MBD5: variants seen among roughly 807,000 people sequenced by gnomAD.
MBD5 encodes methyl-CpG binding domain protein 5.
In MBD5, 13 loss-of-function variants were observed where a neutral mutation model predicts 117.3. That is an observed-to-expected ratio of 0.11 (90% CI 0.07 to 0.18). The LOEUF is 0.18. Among genes scored for constraint, MBD5 ranks in the 10% least tolerant of loss-of-function variants. The pLI is 1.00. For synonymous variants in MBD5, 727 were observed against 766.4 expected (o/e 0.95, Z 0.85); for missense variants, 1,879 against 2,093.8 (o/e 0.90, Z 2.00).
chr2:148,291,830 A>C (rs1408394956), intron 3 of MBD5, among the ~76,000 whole-genome samples: 3 of 152,208 alleles, frequency 2.0e-5, no homozygotes, highest in Non-Finnish European at 2.9e-5. Flanking sequence ...ACAGAGTTGT[A>C]CTAACTGAAA....
At chr2:148,386,069 C>A (rs1038257123) in intron 4 of MBD5, among the ~76,000 whole-genome samples, 4 of 151,408 alleles carry the variant, frequency 2.6e-5, no homozygotes, top group South Asian at 2.1e-4. Context: ...ATGTAACAAA[C>A]CTGCACGTTG....
intron 1 of MBD5, among the ~76,000 whole-genome samples, chr2:148,048,232 A>G (rs1343212331): frequency 6.6e-6 from 1 of 152,220 alleles, no homozygotes; most frequent in African/African-American, 2.4e-5. Flanking sequence ...AGTTGTTGAC[A>G]CAATGCCTGG....
chr2:148,190,914 C>A (rs1017250409), intron 2 of MBD5, among the ~76,000 whole-genome samples: 13 of 121,932 alleles, frequency 1.1e-4, no homozygotes, highest in Admixed American at 2.7e-4. Context: ...GGAGGAAGAT[C>A]TACCAAGCAA....
chr2:148,199,511 A>G lies in MBD5; in HGVS notation c.-831+20718A>G, dbSNP rs1024081730. Among the ~76,000 whole-genome samples the G allele has an allele frequency of 2.0e-5, 3 of 152,270 alleles. No homozygotes were observed. The South Asian group carries it at 6.2e-4, about 32-fold the overall frequency. On this transcript the variant is annotated intron_variant, in intron 2 of 13. Transcript: ENST00000642680. ...TGGCCAGGCACGGTGGCTCATGTCT[A>G]TAATCTAACCACTTTGGGAGGCCGA...
intron 1 of MBD5, among the ~76,000 whole-genome samples, chr2:148,073,953 A>G (rs1003428491): frequency 6.6e-6 from 1 of 152,094 alleles, no homozygotes; most frequent in Non-Finnish European, 1.5e-5. Context: ...TTTACATAAA[A>G]TTGTTGCCCC....
intron 11 of MBD5, 121 bp from the exon 12 acceptor site, chr2:148,502,315 G>T: frequency 1.2e-6 from 1 of 814,058 alleles, no homozygotes; most frequent in Non-Finnish European, 2.1e-6. Context: ...TGACAAGGTA[G>T]TGAAGGTTAA....
intron 2 of MBD5, among the ~76,000 whole-genome samples, chr2:148,198,020 G>A (rs879840454): frequency 6.6e-6 from 1 of 151,782 alleles, no homozygotes; most frequent in Non-Finnish European, 1.5e-5. Flanking sequence ...TCACCATGTT[G>A]GCCAGGCTGG....
rs535087431 is a variant in MBD5 at position 148,184,620 on chromosome 2, A to G, written c.-831+5827A>G. Among the ~76,000 whole-genome samples, 33 of 152,264 alleles carry G rather than the reference A, an allele frequency of 2.2e-4. No homozygotes were observed. In the South Asian group the frequency reaches 6.6e-3, roughly 31 times the overall value. Reference sequence around the variant, plus strand: ...TTATTTTAAGTTCTTGGGACATCAGATCTAATAATTCTGCTTCTCTTAGAA... The same window carrying G: ...TTATTTTAAGTTCTTGGGACATCAGGTCTAATAATTCTGCTTCTCTTAGAA... On this transcript the variant is annotated intron_variant, in intron 2 of 13. Coordinates refer to ENST00000642680, the MANE Select transcript of MBD5 (RefSeq NM_001378120.1).
intron 1 of MBD5, among the ~76,000 whole-genome samples, chr2:148,068,840 A>G (rs1363230033): frequency 6.6e-6 from 1 of 152,140 alleles, no homozygotes; most frequent in African/African-American, 2.4e-5. Flanking sequence ...TAATTTTACT[A>G]ATAATTTGAT....
chr2:148,287,540 T>C (rs1216788010), intron 3 of MBD5, among the ~76,000 whole-genome samples: 1 of 152,212 alleles, frequency 6.6e-6, no homozygotes, highest in Non-Finnish European at 1.5e-5. Context: ...TTCAGTCTTC[T>C]GAATATGGGA....
chr2:148,056,660 T>C (rs1311268634), intron 1 of MBD5, among the ~76,000 whole-genome samples: 2 of 152,080 alleles, frequency 1.3e-5, no homozygotes, highest in South Asian at 2.1e-4. Context: ...TTATCTTTTT[T>C]ATACTTTCTG....
chr2:148,483,216 T>C lies in MBD5; in HGVS notation c.2625T>C (p.Ala875=). ...ATGGCGTCATAGTCACCACTGCAGCTGGAAACCCACTGCAGAGTCAGCTAC... is the reference window on the plus strand; with the variant it reads ...ATGGCGTCATAGTCACCACTGCAGCCGGAAACCCACTGCAGAGTCAGCTAC... ...LQDGVIVTTA[A]GNPLQSQLPI... The change falls in exon 9 of 14, where the codon GCT becomes GCC. Residue 875 remains alanine, a synonymous_variant. Coordinates refer to ENST00000642680, the MANE Select transcript of MBD5 (RefSeq NM_001378120.1). 7 of 1,614,014 alleles carry C rather than the reference T, an allele frequency of 4.3e-6. No homozygotes were observed. The highest frequency in any genetic ancestry group is 1.6e-4 in the Middle Eastern group (1 of 6,062).
chr2:148,112,922 G>A (rs1696536266), intron 1 of MBD5, among the ~76,000 whole-genome samples: 1 of 152,096 alleles, frequency 6.6e-6, no homozygotes, highest in East Asian at 1.9e-4. Context: ...TGAAGAAGGA[G>A]GATTGCGTGA....
chr2:148,512,015 G>A (rs1348814806), intron 13 of MBD5, among the ~76,000 whole-genome samples: 2 of 152,182 alleles, frequency 1.3e-5, no homozygotes, highest in African/African-American at 4.8e-5. Flanking sequence ...TTACACCACA[G>A]AAACTGGCAA....
At chr2:148,409,180 T>C (rs1209020590) in intron 4 of MBD5, among the ~76,000 whole-genome samples, 1 of 151,830 alleles carries the variant, frequency 6.6e-6, no homozygotes, top group African/African-American at 2.4e-5. Context: ...AGCCCAGATA[T>C]TTGACACCAA....
At chr2:148,075,529 C>T (rs930158374) in intron 1 of MBD5, among the ~76,000 whole-genome samples, 1 of 152,086 alleles carries the variant, frequency 6.6e-6, no homozygotes, top group African/African-American at 2.4e-5. Flanking sequence ...TTTAAAATTA[C>T]TACATTATCA....
intron 3 of MBD5, among the ~76,000 whole-genome samples, chr2:148,276,587 A>G (rs1701118878): frequency 6.6e-6 from 1 of 152,200 alleles, no homozygotes; most frequent in Non-Finnish European, 1.5e-5. Context: ...TAGTTGTGAA[A>G]TTCAGAAAAT....
chr2:148,170,061 C>A (rs1201995474), intron 1 of MBD5, among the ~76,000 whole-genome samples: 1 of 152,104 alleles, frequency 6.6e-6, no homozygotes. Context: ...ACACACCTGG[C>A]TAATTTTTTG....
chr2:148,304,845 T>G (rs1196215804), intron 3 of MBD5, among the ~76,000 whole-genome samples: 8 of 152,012 alleles, frequency 5.3e-5, no homozygotes, highest in Non-Finnish European at 7.4e-5. Flanking sequence ...GGCGGATCAC[T>G]AGGTCAGGAT....
Sources: gnomAD v4.1 joint callset for allele counts (sites outside exome capture counted in the v4.1 genomes callset) on GRCh38, gnomAD v4.1.1 for gene constraint, MANE v1.5 for transcripts, NCBI Gene and HGNC (gene_info 2026-07-23, HGNC 2026-07-21) for gene names.